The following CACNG2 variants were observed in gnomAD, a reference collection of about 807,000 sequenced individuals.
CACNG2 encodes the protein calcium voltage-gated channel auxiliary subunit gamma 2, also known as voltage-dependent calcium channel gamma-2 subunit.
CACNG2 carries 3 observed loss-of-function variants against 25.9 expected under a neutral mutation model. The observed-to-expected ratio is 0.12, with a 90% CI of 0.05 to 0.30. The LOEUF (loss-of-function observed/expected upper bound fraction) is 0.30. Ranked by LOEUF, CACNG2 falls within the 10% of genes least tolerant of loss-of-function variation. The pLI, the probability that CACNG2 is intolerant of heterozygous loss-of-function variation, is 1.00. For missense variants in CACNG2, 341 were observed against 432.5 expected (o/e 0.79, Z 1.88); for synonymous variants, 167 against 173.3 (o/e 0.96, Z 0.29).
rs9619613 is a variant in CACNG2 at position 36,562,573 on chromosome 22, G to A, written c.*1778C>T. 7,744 of 152,252 alleles carry A rather than the reference G, an allele frequency of 0.051. 315 individuals carry two copies. Among genetic ancestry groups the A allele is most frequent in the African/African-American group, 0.1 (4,147 of 41,464 alleles). The allele number at this position is 152,252 out of a possible 1,614,324, so 9.4% of individuals were successfully genotyped here. On this transcript the variant is annotated 3_prime_UTR_variant, in exon 4 of 4. Coordinates refer to ENST00000300105, the MANE Select transcript of CACNG2 (RefSeq NM_006078.5). ...GTTGTGAATGAACACAAAGGCCAGT[G>A]TGGAGTTGTTGTCGTCCATGGCTTT...
chr22:36,600,408 C>A (rs989411680), intron 1 of CACNG2, among the ~76,000 whole-genome samples: 17 of 149,528 alleles, frequency 1.1e-4, no homozygotes, highest in African/African-American at 4.2e-4. Flanking sequence ...TGCCACCACA[C>A]CCGTCCTGTC....
chr22:36,634,459 C>T (rs1002723943), intron 1 of CACNG2, among the ~76,000 whole-genome samples: 4 of 152,182 alleles, frequency 2.6e-5, no homozygotes, highest in African/African-American at 4.8e-5. Context: ...GGAGAGCTGC[C>T]TGTTTTGGAC....
chr22:36,670,754 C>T (rs536057121), intron 1 of CACNG2, among the ~76,000 whole-genome samples: 1 of 151,934 alleles, frequency 6.6e-6, no homozygotes, highest in South Asian at 2.1e-4. Context: ...ACCTCAGTCC[C>T]TCAAGTAGCT....
At chr22:36,655,885 G>A (rs760879326) in intron 1 of CACNG2, among the ~76,000 whole-genome samples, 1 of 149,276 alleles carries the variant, frequency 6.7e-6, no homozygotes, top group Admixed American at 6.7e-5. Flanking sequence ...TCGGCTCACC[G>A]CAATCTCCAC....
In CACNG2 at chr22:36,656,731, CCT is replaced by C. The variant is rs112746391; in HGVS notation, c.211+45633_211+45634del. ...CCTCATCAAATGCACCCAGCACGTT[CCT>C]GTTACTTTCGCCTTGAGACTTTGCC... On this transcript the variant is annotated intron_variant, in intron 1 of 3. Coordinates refer to ENST00000300105, the MANE Select transcript of CACNG2 (RefSeq NM_006078.5). 4.8e-3 allele frequency among the ~76,000 whole-genome samples: 731 copies of C among 152,320 alleles called. 5 individuals carry two copies. The highest frequency in any genetic ancestry group is 0.016 in the African/African-American group (683 of 41,576).
At chr22:36,648,460 T>C (rs895706707) in intron 1 of CACNG2, among the ~76,000 whole-genome samples, 6 of 152,222 alleles carry the variant, frequency 3.9e-5, no homozygotes, top group Non-Finnish European at 4.4e-5. Flanking sequence ...CCGGCATTTC[T>C]AGCTTGTCTT....
chr22:36,689,887 G>A (rs1183772472), intron 1 of CACNG2, among the ~76,000 whole-genome samples: 1 of 152,234 alleles, frequency 6.6e-6, no homozygotes, highest in Non-Finnish European at 1.5e-5. Flanking sequence ...TAAAATGGGT[G>A]AGCGTCTCTC....
chr22:36,597,121 C>T (rs1935690152), intron 1 of CACNG2, among the ~76,000 whole-genome samples: 1 of 152,198 alleles, frequency 6.6e-6, no homozygotes, highest in Non-Finnish European at 1.5e-5. Context: ...CTCCCAGGTT[C>T]AAGCAATTCT....
chr22:36,697,909 TA>T (rs1238812348), intron 1 of CACNG2, among the ~76,000 whole-genome samples: 1 of 152,322 alleles, frequency 6.6e-6, no homozygotes, highest in South Asian at 2.1e-4. Flanking sequence ...ATCAATTGGA[TA>T]TTTTTTTTCT....
At chr22:36,648,852 C>G (rs1936567475) in intron 1 of CACNG2, among the ~76,000 whole-genome samples, 1 of 152,140 alleles carries the variant, frequency 6.6e-6, no homozygotes, top group Non-Finnish European at 1.5e-5. Context: ...TTCTCCAACT[C>G]CATCATCCTC....
At chr22:36,586,573 T>G (rs1685146180) in intron 2 of CACNG2, among the ~76,000 whole-genome samples, 1 of 152,170 alleles carries the variant, frequency 6.6e-6, no homozygotes, top group South Asian at 2.1e-4. Context: ...AGGGGCAATC[T>G]ATATAATAAA....
intron 1 of CACNG2, among the ~76,000 whole-genome samples, chr22:36,593,768 T>A (rs895113876): frequency 9.9e-5 from 15 of 151,738 alleles, no homozygotes; most frequent in African/African-American, 3.4e-4. Context: ...CCAACGCCTC[T>A]GGTGGCCATG....
chr22:36,600,083 C>T (rs539908615), intron 1 of CACNG2, among the ~76,000 whole-genome samples: 121 of 152,234 alleles, frequency 7.9e-4, no homozygotes, highest in African/African-American at 2.8e-3. Flanking sequence ...GCTCCAGCCG[C>T]CATCTTGGTC....
At chr22:36,645,526 GACTCTGTCTCAAAAAAAAAAAAAAAAAA>G (rs2145970750) in intron 1 of CACNG2, among the ~76,000 whole-genome samples, 1 of 134,738 alleles carries the variant, frequency 7.4e-6, no homozygotes, top group South Asian at 2.5e-4. Context: ...GACAGAGCAA[GACTCTGTCTCAAAAAAAAAAAAAAAAAA>G]AAAAAAAAAA....
chr22:36,620,560 T>C (rs2068599189), intron 1 of CACNG2, among the ~76,000 whole-genome samples: 1 of 152,262 alleles, frequency 6.6e-6, no homozygotes, highest in Non-Finnish European at 1.5e-5. Context: ...GACTTATGAG[T>C]AAGACTCCCC....
intron 1 of CACNG2, among the ~76,000 whole-genome samples, chr22:36,653,786 A>G (rs1936659038): frequency 6.6e-6 from 1 of 152,094 alleles, no homozygotes; most frequent in South Asian, 2.1e-4. Context: ...CAGGACCAGG[A>G]GGGCATGGGC....
chr22:36,659,388 T>A (rs1354065598), intron 1 of CACNG2, among the ~76,000 whole-genome samples: 1 of 151,142 alleles, frequency 6.6e-6, no homozygotes, highest in Non-Finnish European at 1.5e-5. Context: ...GAGGAAGGAG[T>A]GTGTTAACCA....
At chr22:36,695,435 G>C (rs1055429874) in intron 1 of CACNG2, among the ~76,000 whole-genome samples, 3 of 151,842 alleles carry the variant, frequency 2.0e-5, no homozygotes, top group African/African-American at 7.3e-5. Flanking sequence ...TTTGGGTCCT[G>C]ACCACTTCCA....
chr22:36,575,678 C>G (rs947935630), intron 2 of CACNG2, among the ~76,000 whole-genome samples: 8 of 152,314 alleles, frequency 5.3e-5, no homozygotes, highest in African/African-American at 1.4e-4. Flanking sequence ...ATCTCTAAGG[C>G]CCTGTCCCTC....
Sources: allele counts gnomAD v4.1 joint callset (sites outside exome capture counted in the v4.1 genomes callset), GRCh38; gene constraint gnomAD v4.1.1; transcripts MANE v1.5; gene names NCBI Gene and HGNC (gene_info 2026-07-23, HGNC 2026-07-21).